The following HPSE2 variants were observed in gnomAD, a reference collection of about 807,000 sequenced individuals.
HPSE2 encodes heparanase 2 (inactive).
A neutral mutation model predicts 60.5 loss-of-function variants in HPSE2; 38 were observed. That is an observed-to-expected ratio of 0.63 (90% CI 0.48 to 0.82). The LOEUF is 0.82. Ranked by LOEUF, HPSE2 falls within the 40% of genes least tolerant of loss-of-function variation. The probability of loss-of-function intolerance (pLI) is 0.00; values close to 1 mark genes in which losing one functional copy is unlikely to be tolerated. For synonymous variants in HPSE2, 295 were observed against 293.2 expected (o/e 1.01, Z -0.06); for missense variants, 713 against 740.4 (o/e 0.96, Z 0.43).
intron 3 of HPSE2, among the ~76,000 whole-genome samples, chr10:98,795,075 GGAAGGAAA>G (rs1369753557): frequency 3.1e-5 from 4 of 129,820 alleles, no homozygotes; most frequent in East Asian, 2.4e-4. Flanking sequence ...AAAGAAGGAA[GGAAGGAAA>G]GAAGGAAAGA....
rs1467970303 is a variant in HPSE2, at chr10:99,016,720, T to C, written c.610+127518A>G. Among the ~76,000 whole-genome samples, 6 of 152,292 alleles carry C rather than the reference T, an allele frequency of 3.9e-5. No homozygotes were observed. In the East Asian group the frequency reaches 9.7e-4, roughly 25 times the overall value. ...TCTGATTTCTTTGAGCAGTGGTTTG[T>C]AGTTCTCCTTATAGAGATTTTTACC... On this transcript the variant is annotated intron_variant, in intron 3 of 11. Transcript: ENST00000370552.
chr10:98,978,631 G>C (rs2496711), intron 3 of HPSE2, among the ~76,000 whole-genome samples: 1 of 152,016 alleles, frequency 6.6e-6, no homozygotes, highest in Non-Finnish European at 1.5e-5. Flanking sequence ...TTTTCTTTAC[G>C]TAGGTATTCT....
intron 2 of HPSE2, among the ~76,000 whole-genome samples, chr10:99,153,481 A>C (rs1290287432): frequency 6.6e-6 from 1 of 152,154 alleles, no homozygotes; most frequent in Admixed American, 6.6e-5. Flanking sequence ...GGCACCCCCC[A>C]GCAGGGACAC....
At chr10:98,498,567 C>G (rs1343909588) in intron 9 of HPSE2, among the ~76,000 whole-genome samples, 2 of 152,170 alleles carry the variant, frequency 1.3e-5, no homozygotes, top group African/African-American at 4.8e-5. Flanking sequence ...AAAACCAACT[C>G]TGGTGATATG....
intron 2 of HPSE2, among the ~76,000 whole-genome samples, chr10:99,185,158 G>T (rs1163081230): frequency 1.3e-5 from 2 of 151,620 alleles, no homozygotes; most frequent in Admixed American, 1.3e-4. Context: ...AAAAAAATTA[G>T]CCAGGTGTGA....
intron 3 of HPSE2, among the ~76,000 whole-genome samples, chr10:99,037,973 A>T (rs1020288983): frequency 6.6e-6 from 1 of 152,174 alleles, no homozygotes; most frequent in African/African-American, 2.4e-5. Flanking sequence ...GGAAATGCAA[A>T]TTAAGACCAT....
intron 3 of HPSE2, among the ~76,000 whole-genome samples, chr10:99,142,615 G>T (rs1215874762): frequency 6.6e-6 from 1 of 152,164 alleles, no homozygotes; most frequent in Non-Finnish European, 1.5e-5. Flanking sequence ...CTTCTCTAGG[G>T]TAAGTTTGTT....
chr10:99,140,490 T>G (rs1011712230), intron 3 of HPSE2, among the ~76,000 whole-genome samples: 3 of 152,242 alleles, frequency 2.0e-5, no homozygotes, highest in Non-Finnish European at 4.4e-5. Flanking sequence ...TCATTCACTA[T>G]GCTTTACATG....
chr10:98,765,383 A>G (rs975166868), intron 3 of HPSE2, among the ~76,000 whole-genome samples: 3 of 152,218 alleles, frequency 2.0e-5, no homozygotes, highest in Admixed American at 2.0e-4. Flanking sequence ...AATATTGGGA[A>G]ATTAAACTAC....
chr10:98,630,206 T>TG (rs1327955769), intron 7 of HPSE2, among the ~76,000 whole-genome samples: 1 of 150,306 alleles, frequency 6.7e-6, no homozygotes, highest in Non-Finnish European at 1.5e-5. Context: ...TTTTTTTTTT[T>TG]TTTGTTTTTG....
At chr10:98,816,766 C>A (rs1252824678) in intron 3 of HPSE2, among the ~76,000 whole-genome samples, 2 of 152,168 alleles carry the variant, frequency 1.3e-5, no homozygotes, top group Non-Finnish European at 2.9e-5. Context: ...CCTATACTTG[C>A]CTTATGGGAC....
chr10:98,911,846 ATG>A (rs1953987852), intron 3 of HPSE2, among the ~76,000 whole-genome samples: 1 of 152,184 alleles, frequency 6.6e-6, no homozygotes, highest in Non-Finnish European at 1.5e-5. Flanking sequence ...CAGGCAGCAA[ATG>A]AAGGAGTTTT....
rs148241915 is a variant in HPSE2 at position 98,933,557 on chromosome 10, A to G, written c.611-189501T>C. ...TGTCTAACACTGCCAGTGGGGTATT[A>G]AAGTCTCTGACTATTATTGTGTGGG... On this transcript the variant is annotated intron_variant, in intron 3 of 11. Coordinates refer to ENST00000370552, the MANE Select transcript of HPSE2 (RefSeq NM_021828.5). Among the ~76,000 whole-genome samples, 73 of 143,548 alleles carry G rather than the reference A, an allele frequency of 5.1e-4. 3 individuals carry two copies. The East Asian group carries it at 0.014, about 27-fold the overall frequency. The allele number at this position is 143,548 out of a possible 152,430, so 94.2% of individuals were successfully genotyped here.
intron 7 of HPSE2, among the ~76,000 whole-genome samples, chr10:98,632,428 C>A (rs1946388380): frequency 6.6e-6 from 1 of 152,052 alleles, no homozygotes; most frequent in Non-Finnish European, 1.5e-5. Context: ...TTCTAAGATT[C>A]AAGGAAATAT....
At chr10:98,551,748 T>C (rs1328497820) in intron 9 of HPSE2, among the ~76,000 whole-genome samples, 2 of 152,238 alleles carry the variant, frequency 1.3e-5, no homozygotes, top group Non-Finnish European at 2.9e-5. Context: ...ATTCTTTTTT[T>C]TCTTTTTTGC....
intron 6 of HPSE2, among the ~76,000 whole-genome samples, chr10:98,667,207 A>T (rs1235261841): frequency 6.6e-6 from 1 of 152,078 alleles, no homozygotes; most frequent in African/African-American, 2.4e-5. Context: ...GAAGCACACA[A>T]CCTCTCAAGA....
chr10:98,862,102 C>T (rs1952471828), intron 3 of HPSE2, among the ~76,000 whole-genome samples: 2 of 152,144 alleles, frequency 1.3e-5, no homozygotes, highest in African/African-American at 2.4e-5. Context: ...GTGGTACTGG[C>T]TGCGCTGAAA....
intron 4 of HPSE2, among the ~76,000 whole-genome samples, chr10:98,738,107 C>T (rs1430412207): frequency 1.3e-5 from 2 of 152,168 alleles, no homozygotes; most frequent in Non-Finnish European, 1.5e-5. Flanking sequence ...GTAACCAAAA[C>T]AGCACGGTAC....
At chr10:99,236,277 T>G (rs1403700770), upstream of HPSE2, among the ~76,000 whole-genome samples, 1 of 152,080 alleles carries the variant, frequency 6.6e-6, no homozygotes, top group Non-Finnish European at 1.5e-5. Flanking sequence ...CATGCCGTTG[T>G]ACCGTCTGGG....
Sources: gnomAD v4.1 joint callset for allele counts (sites outside exome capture counted in the v4.1 genomes callset) on GRCh38, gnomAD v4.1.1 for gene constraint, MANE v1.5 for transcripts, NCBI Gene and HGNC (gene_info 2026-07-23, HGNC 2026-07-21) for gene names.